CCDC201: variants seen among roughly 807,000 people sequenced by gnomAD.
The protein encoded by CCDC201 is coiled-coil domain-containing protein 201.
At chr7:45,872,898 GCAGCCTT>G (rs1786757668) in intron 1 of CCDC201, 85 bp downstream of exon 1, 1 of 152,898 alleles carries the variant, frequency 6.5e-6, no homozygotes, top group African/African-American at 2.4e-5. Context: ...TCTTGCTCGG[GCAGCCTT>G]GAGGGCCCTT....
chr7:45,867,579 T>C (rs1786691839), intron 1 of CCDC201, among the ~76,000 whole-genome samples: 1 of 152,234 alleles, frequency 6.6e-6, no homozygotes, highest in Non-Finnish European at 1.5e-5. Flanking sequence ...CAAGTGCATG[T>C]CCATTGCCTG....
In CCDC201 at chr7:45,870,097, G is replaced by A. The variant is rs193297323; in HGVS notation, c.18+2893C>T. Among the ~76,000 whole-genome samples the A allele has an allele frequency of 1.9e-4, 29 of 152,232 alleles. No individual in the cohort carries two copies. In the East Asian group the frequency reaches 2.1e-3, roughly 11 times the overall value. ...CTCCCAAAGTGCTAGGATTATAGGCGTGAGCCACCGCAGCCAGCAGTTGCT... is the reference window on the plus strand; with the variant it reads ...CTCCCAAAGTGCTAGGATTATAGGCATGAGCCACCGCAGCCAGCAGTTGCT... On this transcript the variant is annotated intron_variant, in intron 1 of 2. Transcript: ENST00000636578.
At chr7:45,876,500 C>T (rs1786809658), upstream of CCDC201, among the ~76,000 whole-genome samples, 1 of 152,150 alleles carries the variant, frequency 6.6e-6, no homozygotes, top group South Asian at 2.1e-4. Context: ...CAGGCCACCC[C>T]CAGGGCTTTC....
At chr7:45,870,328 T>A (rs1786730503) in intron 1 of CCDC201, among the ~76,000 whole-genome samples, 1 of 152,158 alleles carries the variant, frequency 6.6e-6, no homozygotes, top group South Asian at 2.1e-4. Context: ...CTGAAAGAAC[T>A]AGAAGCCAAA....
At chr7:45,884,165 A>T in the CCDC201 span, among the ~76,000 whole-genome samples, 1 of 150,872 alleles carries the variant, frequency 6.6e-6, no homozygotes, top group African/African-American at 2.4e-5. Flanking sequence ...CAGTGGTGTG[A>T]TCATAACTCA....
At chr7:45,863,551 C>T (rs1223153341) in intron 2 of CCDC201, among the ~76,000 whole-genome samples, 1 of 152,152 alleles carries the variant, frequency 6.6e-6, no homozygotes, top group African/African-American at 2.4e-5. Context: ...TGTAACTGTG[C>T]TCTCTAGAAC....
exon 3 of CCDC201, chr7:45,862,785 C>A (rs928010503): frequency 6.6e-6 from 1 of 152,268 alleles, no homozygotes; most frequent in African/African-American, 2.4e-5. Context: ...CTCAGACAAG[C>A]AGAGAGCTGT....
In CCDC201 at chr7:45,870,096, C is replaced by T. The variant is rs568516798; in HGVS notation, c.18+2894G>A. Reference sequence around the variant, plus strand: ...CCTCCCAAAGTGCTAGGATTATAGGCGTGAGCCACCGCAGCCAGCAGTTGC... The same window carrying T: ...CCTCCCAAAGTGCTAGGATTATAGGTGTGAGCCACCGCAGCCAGCAGTTGC... On this transcript the variant is annotated intron_variant, in intron 1 of 2. Coordinates refer to ENST00000636578, the Ensembl canonical transcript of CCDC201. Among the ~76,000 whole-genome samples, 25 of 152,238 alleles carry T rather than the reference C, an allele frequency of 1.6e-4. No individual in the cohort carries two copies. The East Asian group carries it at 1.9e-3, about 12-fold the overall frequency.
At chr7:45,870,794 C>T (rs897180902) in intron 1 of CCDC201, among the ~76,000 whole-genome samples, 7 of 151,994 alleles carry the variant, frequency 4.6e-5, no homozygotes, top group Admixed American at 2.0e-4. Flanking sequence ...CCAACAACAA[C>T]AAAAAAACCA....
chr7:45,865,773 G>C (rs1470825392), intron 2 of CCDC201, among the ~76,000 whole-genome samples: 1 of 152,198 alleles, frequency 6.6e-6, no homozygotes, highest in Non-Finnish European at 1.5e-5. Context: ...ATCAGTCACG[G>C]GGGCCCTCAG....
chr7:45,860,335 T>C (rs760405260), exon 3 of CCDC201: 1 of 152,176 alleles, frequency 6.6e-6, no homozygotes, highest in Non-Finnish European at 1.5e-5. Context: ...TTTGTGGATC[T>C]TCAGTTGCTT....
upstream of CCDC201, among the ~76,000 whole-genome samples, chr7:45,873,780 A>C (rs957932020): frequency 1.3e-5 from 2 of 152,250 alleles, no homozygotes; most frequent in Non-Finnish European, 2.9e-5. Flanking sequence ...TTGGGGAATG[A>C]AACTAAAAAG....
intron 2 of CCDC201, among the ~76,000 whole-genome samples, chr7:45,864,887 A>G (rs1028658895): frequency 7.2e-5 from 11 of 152,174 alleles, no homozygotes; most frequent in Non-Finnish European, 1.0e-4. Context: ...GAGAAAGAAC[A>G]CAGAGCCCAA....
At chr7:45,865,076 G>C (rs895818226) in intron 2 of CCDC201, among the ~76,000 whole-genome samples, 4 of 151,954 alleles carry the variant, frequency 2.6e-5, no homozygotes, top group African/African-American at 4.8e-5. Context: ...GGGCCTTCCA[G>C]TTCTGAGAAA....
At chr7:45,864,067 G>A (rs950597830) in intron 2 of CCDC201, among the ~76,000 whole-genome samples, 1 of 152,138 alleles carries the variant, frequency 6.6e-6, no homozygotes, top group Non-Finnish European at 1.5e-5. Context: ...CCCGAGGCAG[G>A]GGCTGCCTTC....
chr7:45,876,565 G>A (rs1168240826), upstream of CCDC201, among the ~76,000 whole-genome samples: 2 of 152,208 alleles, frequency 1.3e-5, no homozygotes, highest in Non-Finnish European at 2.9e-5. Context: ...CTGACCTCTT[G>A]ACTTAAGGGT....
At chr7:45,864,762 G>C (rs1786650827) in intron 2 of CCDC201, among the ~76,000 whole-genome samples, 1 of 152,330 alleles carries the variant, frequency 6.6e-6, no homozygotes, top group African/African-American at 2.4e-5. Flanking sequence ...AACCTCGGAA[G>C]ACAGAACTGA....
chr7:45,860,463 G>T (rs1786585706), exon 3 of CCDC201: 1 of 152,204 alleles, frequency 6.6e-6, no homozygotes. Flanking sequence ...CATACACAGT[G>T]AGAGTTAAGA....
chr7:45,873,920 CTTTTTTTT>C (rs201948561), upstream of CCDC201, among the ~76,000 whole-genome samples: 90 of 121,396 alleles, frequency 7.4e-4, 1 homozygote, highest in African/African-American at 2.9e-3. Context: ...CATTTACTTA[CTTTTTTTT>C]TTTTTTTTTT....
Sources: allele counts gnomAD v4.1 joint callset (sites outside exome capture counted in the v4.1 genomes callset), GRCh38; gene constraint gnomAD v4.1.1; transcripts MANE v1.5; gene names NCBI Gene and HGNC (gene_info 2026-07-23, HGNC 2026-07-21).